Variants in PSMC1 observed in about 807,000 individuals in gnomAD.
The protein encoded by PSMC1 is proteasome 26S subunit, ATPase 1.
A neutral mutation model predicts 49.8 loss-of-function variants in PSMC1; 5 were observed. The observed-to-expected ratio is 0.10, with a 90% CI of 0.05 to 0.21. The LOEUF is 0.21. Among genes scored for constraint, PSMC1 ranks in the 10% least tolerant of loss-of-function variants. The pLI, the probability that PSMC1 is intolerant of heterozygous loss-of-function variation, is 1.00. For synonymous variants in PSMC1, 155 were observed against 192.1 expected, an observed-to-expected ratio of 0.81 and a Z score of 1.60; for missense variants, 181 against 535.7, an observed-to-expected ratio of 0.34 and a Z score of 6.54.
At chr14:90,269,807 C>T (rs1891615985) in intron 9 of PSMC1, 1 of 417,332 alleles carries the variant, frequency 2.4e-6, no homozygotes, top group Non-Finnish European at 4.2e-6. Context: ...GCCTCAAGAA[C>T]TTGCTGCTTT....
chr14:90,258,009 A>G (rs1891328636), intron 1 of PSMC1, among the ~76,000 whole-genome samples: 1 of 152,192 alleles, frequency 6.6e-6, no homozygotes, highest in Non-Finnish European at 1.5e-5. Context: ...CCTCATTTTG[A>G]TAAGGAAGAA....
intron 3 of PSMC1, among the ~76,000 whole-genome samples, chr14:90,262,814 G>A (rs890449883): frequency 4.6e-5 from 7 of 151,082 alleles, no homozygotes; most frequent in African/African-American, 7.3e-5. Context: ...CAATTCTTAC[G>A]TGGCTTGAGA....
At position 90,272,514 on chromosome 14, in the gene PSMC1, T is replaced by G; in HGVS notation, c.*107T>G. 1.4e-6 allele frequency: 1 copy of G among 706,104 alleles called. No homozygotes were observed. Among genetic ancestry groups the G allele is most frequent in the East Asian group, 2.8e-5 (1 of 35,436 alleles). 43.7% of individuals were successfully genotyped at this position (706,104 alleles called of 1,614,324 possible). A position where few individuals can be genotyped will look rare whatever the true frequency, so the allele number is the denominator to read the frequency against. On this transcript the variant is annotated 3_prime_UTR_variant, in exon 11 of 11. Transcript: ENST00000261303. The surrounding 1 kb of genome is among the most constrained non-coding windows in gnomAD (Gnocchi z 4.5). Reference sequence around the variant, plus strand: ...GAATCCCTGTTCCCACTGATTTTTATTAGCAAAACATCCTGTGTCTTTTGG... The same window carrying G: ...GAATCCCTGTTCCCACTGATTTTTAGTAGCAAAACATCCTGTGTCTTTTGG...
At chr14:90,265,259 C>A in intron 7 of PSMC1, 93 bp downstream of exon 7, 2 of 816,090 alleles carry the variant, frequency 2.5e-6, no homozygotes, top group Non-Finnish European at 4.0e-6. Context: ...TAAGAGAGGA[C>A]ACCACAATTC....
At chr14:90,268,912 G>T in intron 8 of PSMC1, 1 of 159,552 alleles carries the variant, frequency 6.3e-6, no homozygotes, top group South Asian at 1.8e-4. Context: ...TCTGGAGGCT[G>T]AGAAGCCCAA....
At chr14:90,267,128 C>T (rs1032967370) in intron 7 of PSMC1, among the ~76,000 whole-genome samples, 1 of 150,328 alleles carries the variant, frequency 6.7e-6, no homozygotes, top group Non-Finnish European at 1.5e-5. Context: ...TCTTGTTTTT[C>T]TTTTCTTTTT....
chr14:90,259,196 G>A lies in PSMC1; in HGVS notation c.40G>A (p.Gly14Ser), dbSNP rs1368129232. ...SQSGGHGPGG[G>S]KKDDKDKKKK... ...GAGTGGTGGTCATGGTCCTGGAGGT[G>A]GCAAGAAGGATGACAAGGTAAATAT... The change falls in exon 2 of 11, where the codon GGC (glycine) becomes AGC (serine). Residue 14 changes from glycine to serine, a missense_variant. Gly to Ser is a moderately conservative substitution (Grantham distance 56). Coordinates refer to ENST00000261303, the MANE Select transcript of PSMC1 (RefSeq NM_002802.3). 1 of 1,613,854 alleles carries A rather than the reference G, an allele frequency of 6.2e-7. No individual in the cohort carries two copies.
intron 3 of PSMC1, among the ~76,000 whole-genome samples, chr14:90,263,061 A>G (rs975865753): frequency 6.6e-6 from 1 of 152,156 alleles, no homozygotes; most frequent in Non-Finnish European, 1.5e-5. Context: ...TTCTTTAAGT[A>G]TACAGACTAT....
rs1466605375 is a variant in PSMC1, at chr14:90,263,840, A to G, written c.458A>G (p.Asn153Ser). The part of the protein sequence containing the change: ...LLEPGCSVLL[N>S]HKVHAVIGVL... ...GAACCTGGCTGCTCGGTCCTGCTCA[A>G]CCACAAGGTGAGGTGATAGTCTTTT... Residue 153 changes from asparagine (N) to serine (S), a missense_variant, in exon 5 of 11, where the codon AAC becomes AGC. Around this residue, in one of 3 missense-constraint regions of PSMC1, gnomAD observed 121 missense variants for 358.6 expected, o/e 0.34. Coordinates refer to ENST00000261303, the MANE Select transcript of PSMC1 (RefSeq NM_002802.3). The G allele has an allele frequency of 6.2e-7, 1 of 1,613,994 alleles. No homozygotes were observed. Among genetic ancestry groups the G allele is most frequent in the Non-Finnish European group, 8.5e-7 (1 of 1,179,988 alleles).
In PSMC1 at chr14:90,263,948, C is replaced by G; in HGVS notation, c.466-93C>G. The G allele has an allele frequency of 2.5e-6, 4 of 1,583,040 alleles. No individual in the cohort carries two copies. The South Asian group carries it at 4.6e-5, about 18-fold the overall frequency. ...GGAAGTAGATCACCAAAGCACTCCT[C>G]AGGCAGAAGGATGCCATGACTGGCA... is the stretch of plus-strand genomic sequence containing the variant. On this transcript the variant is annotated intron_variant, in intron 5 of 10. Coordinates refer to ENST00000261303, the MANE Select transcript of PSMC1 (RefSeq NM_002802.3).
intron 3 of PSMC1, among the ~76,000 whole-genome samples, chr14:90,261,981 G>A (rs1891407248): frequency 6.6e-6 from 1 of 151,936 alleles, no homozygotes; most frequent in Admixed American, 6.6e-5. Context: ...AAAAAAGGAT[G>A]AGTTCATGTC....
At chr14:90,258,494 C>T (rs1169336781) in intron 1 of PSMC1, among the ~76,000 whole-genome samples, 2 of 152,166 alleles carry the variant, frequency 1.3e-5, no homozygotes, top group Admixed American at 1.3e-4. Context: ...AGACATTGCT[C>T]AGTGTTAAGC....
At position 90,273,058 on chromosome 14, in the gene PSMC1, T is replaced by A. The variant is rs1056087432; in HGVS notation, c.*651T>A. On this transcript the variant is annotated 3_prime_UTR_variant, in exon 11 of 11. Coordinates refer to ENST00000261303, the MANE Select transcript of PSMC1 (RefSeq NM_002802.3). ...ATCCCTTTCAAGGTGTTCAGAAACA[T>A]GTCAGAACTTCCCCTTCCCTTTCTC... 1.3e-5 allele frequency: 2 copies of A among 152,202 alleles called. No homozygotes were observed. Among genetic ancestry groups the A allele is most frequent in the African/African-American group, 4.8e-5 (2 of 41,450 alleles). 9.4% of individuals were successfully genotyped at this position (152,202 alleles called of 1,614,324 possible). A position where few individuals can be genotyped will look rare whatever the true frequency, so the allele number is the denominator to read the frequency against.
Position 90,263,745 on chromosome 14 carries a change from C to T in PSMC1, c.363C>T (p.Ala121=), listed in dbSNP as rs140086070. Residue 121 remains alanine, a synonymous_variant, in exon 5 of 11, where the codon GCC becomes GCT. Transcript: ENST00000261303. Reference sequence around the variant, plus strand: ...AAGAGATCATTGATGACAATCATGCCATCGTGTCTACATCTGTGGGCTCAG... The same window carrying T: ...AAGAGATCATTGATGACAATCATGCTATCGTGTCTACATCTGTGGGCTCAG... ...TLEEIIDDNH[A]IVSTSVGSEH... is the part of the protein sequence containing the mutation. 18 of 1,611,944 alleles carry T rather than the reference C, an allele frequency of 1.1e-5. No individual in the cohort carries two copies. The African/African-American group carries it at 1.9e-4, about 17-fold the overall frequency.
rs184970109 is a variant in PSMC1, at chr14:90,256,673, A to G, written c.3+73A>G. 839 of 1,554,806 alleles carry G rather than the reference A, an allele frequency of 5.4e-4. 1 individual carries two copies. Among genetic ancestry groups the G allele is most frequent in the Non-Finnish European group, 6.7e-4 (774 of 1,147,724 alleles). ...GTCTCAGCAGCCTGAGGCGAGAGAA[A>G]GAGGCGGCTGCCCGAGGAACTGGGA... On this transcript the variant is annotated intron_variant, in intron 1 of 10. Transcript: ENST00000261303.
intron 9 of PSMC1, 170 bp downstream of exon 9, chr14:90,269,718 TG>T: frequency 7.9e-6 from 5 of 633,120 alleles, no homozygotes; most frequent in Non-Finnish European, 1.3e-5. Flanking sequence ...AAACAGAGCA[TG>T]ATATGGTCTG....
intron 3 of PSMC1, among the ~76,000 whole-genome samples, chr14:90,262,813 C>T (rs975792014): frequency 6.6e-5 from 10 of 150,936 alleles, no homozygotes; most frequent in East Asian, 1.9e-4. Context: ...ACAATTCTTA[C>T]GTGGCTTGAG....
chr14:90,259,259 AT>A (rs1891350899), intron 2 of PSMC1, 46 bp downstream of exon 2: 1 of 1,578,972 alleles, frequency 6.3e-7, no homozygotes, highest in Non-Finnish European at 8.7e-7. Context: ...ATTGTGGAAA[AT>A]GTCATGGGTC....
rs1027074398 is a variant in PSMC1, at chr14:90,272,968, C to T, written c.*561C>T. ...GGCAGAAAATAACTACTGGTGTTCC[C>T]AAGAGACTGAGGATTCCTAGAGATA... On this transcript the variant is annotated 3_prime_UTR_variant, in exon 11 of 11. Coordinates refer to ENST00000261303, the MANE Select transcript of PSMC1 (RefSeq NM_002802.3). The surrounding 1 kb of genome is among the most constrained non-coding windows in gnomAD (Gnocchi z 4.5). 7 of 152,158 alleles carry T rather than the reference C, an allele frequency of 4.6e-5. No individual in the cohort carries two copies. The highest frequency in any genetic ancestry group is 7.2e-5 in the African/African-American group (3 of 41,426). 9.4% of individuals were successfully genotyped at this position (152,158 alleles called of 1,614,324 possible).
Sources: gnomAD v4.1 joint callset for allele counts (sites outside exome capture counted in the v4.1 genomes callset) on GRCh38, gnomAD v4.1.1 for gene constraint, gnomAD v4.1.1 regional missense constraint, Gnocchi (gnomAD v3.1) non-coding constraint, MANE v1.5 for transcripts, NCBI Gene and HGNC (gene_info 2026-07-23, HGNC 2026-07-21) for gene names.